The following GARS1 variants were observed in gnomAD, a reference collection of about 807,000 sequenced individuals.
The protein encoded by GARS1 is glycyl-tRNA synthetase 1.
Under a neutral mutation model 86.4 loss-of-function variants are expected in GARS1, and 46 were observed. That is an observed-to-expected ratio of 0.53 (90% confidence interval 0.42 to 0.68). The LOEUF is 0.68. GARS1 is among the 30% of genes least tolerant of loss of function. GARS1 has a pLI of 0.00. For missense variants in GARS1, 797 were observed against 915.6 expected (o/e 0.87, Z 1.67); for synonymous variants, 342 against 329.8 (o/e 1.04, Z -0.40).
intron 12 of GARS1, among the ~76,000 whole-genome samples, chr7:30,623,012 A>T (rs1467442921): frequency 6.6e-6 from 1 of 151,782 alleles, no homozygotes; most frequent in Non-Finnish European, 1.5e-5. Flanking sequence ...GAGGCAGGAG[A>T]ATGGCGTGAA....
chr7:30,599,067 CT>C (rs1289494963), intron 2 of GARS1, among the ~76,000 whole-genome samples, 170 bp downstream of exon 2: 3 of 152,124 alleles, frequency 2.0e-5, no homozygotes, highest in Non-Finnish European at 2.9e-5. Context: ...ACTCCTCATC[CT>C]TTCAAAATGC....
intron 11 of GARS1, 163 bp from the exon 12 acceptor site, chr7:30,622,154 T>A (rs992376147): frequency 1.7e-5 from 13 of 748,708 alleles, no homozygotes; most frequent in Middle Eastern, 7.3e-4. Context: ...CTGAATGATT[T>A]TGTGGACAGG....
intron 8 of GARS1, among the ~76,000 whole-genome samples, chr7:30,612,881 T>G (rs1273628115): frequency 6.6e-6 from 1 of 152,254 alleles, no homozygotes; most frequent in Non-Finnish European, 1.5e-5. Context: ...TATATTTCTT[T>G]AGAAATTTAT....
At position 30,598,630 on chromosome 7, in the gene GARS1, G is replaced by A. The variant is rs2240501; in HGVS notation, c.223-166G>A. Among the ~76,000 whole-genome samples, 1,796 of 152,204 alleles carry A rather than the reference G, an allele frequency of 0.012. 41 individuals carry two copies. The highest frequency in any genetic ancestry group is 0.08 in the East Asian group (416 of 5,172). ...TCTGAAACTCCTGATCTCAGATGGT[G>A]AGGAGGGCCTTTCAAAGTGCTGGTA... On this transcript the variant is annotated intron_variant, in intron 1 of 16. Coordinates refer to ENST00000389266, the MANE Select transcript of GARS1 (RefSeq NM_002047.4).
chr7:30,601,278 A>T lies in GARS1; in HGVS notation c.569+78A>T. 5 of 1,266,952 alleles carry T rather than the reference A, an allele frequency of 3.9e-6. No homozygotes were observed. The South Asian group carries it at 6.0e-5, about 15-fold the overall frequency. 78.5% of individuals were successfully genotyped at this position (1,266,952 alleles called of 1,614,324 possible). A position where few individuals can be genotyped will look rare whatever the true frequency, so the allele number is the denominator to read the frequency against. ...TAAATTATTTAATATACTTATCTAA[A>T]TAACTTCCTGATTATAAAGAACTAC... On this transcript the variant is annotated intron_variant, in intron 4 of 16. Coordinates refer to ENST00000389266, the MANE Select transcript of GARS1 (RefSeq NM_002047.4).
At position 30,633,967 on chromosome 7, in the gene GARS1, C is replaced by T. The variant is rs554299783; in HGVS notation, c.*107C>T. 15 of 1,356,236 alleles carry T rather than the reference C, an allele frequency of 1.1e-5. No individual in the cohort carries two copies. Among genetic ancestry groups the T allele is most frequent in the South Asian group, 2.6e-5 (2 of 75,624 alleles). The allele number at this position is 1,356,236 out of a possible 1,614,324, so 84.0% of individuals were successfully genotyped here. On this transcript the variant is annotated 3_prime_UTR_variant, in exon 17 of 17. Transcript: ENST00000389266. Reference sequence around the variant, plus strand: ...CAGCATTGTGATTACTCCCAGGGACCGTATTTTATCTTCAGTGGCTGCCTG... The same window carrying T: ...CAGCATTGTGATTACTCCCAGGGACTGTATTTTATCTTCAGTGGCTGCCTG...
At chr7:30,601,728 T>G (rs1791380550) in intron 4 of GARS1, among the ~76,000 whole-genome samples, 1 of 152,230 alleles carries the variant, frequency 6.6e-6, no homozygotes, top group Non-Finnish European at 1.5e-5. Context: ...AAAGTTTCAA[T>G]GCAGAAACTT....
chr7:30,598,069 T>G (rs1202812507), intron 1 of GARS1, among the ~76,000 whole-genome samples: 2 of 152,194 alleles, frequency 1.3e-5, no homozygotes, highest in Non-Finnish European at 2.9e-5. Flanking sequence ...AGAAGAATGG[T>G]CAGAGAAGTG....
intron 11 of GARS1, 23 bp from the exon 12 acceptor site, chr7:30,622,294 T>C (rs1783028213): frequency 4.3e-6 from 7 of 1,613,946 alleles, no homozygotes; most frequent in Non-Finnish European, 5.9e-6. Flanking sequence ...GCTGTAGTTT[T>C]GGATTCCTTG....
chr7:30,601,760 T>C (rs570692452), intron 4 of GARS1, among the ~76,000 whole-genome samples: 23 of 152,322 alleles, frequency 1.5e-4, no homozygotes, highest in East Asian at 9.6e-4. Context: ...ACCAACGTTA[T>C]TGAAAGTAGG....
intron 6 of GARS1, among the ~76,000 whole-genome samples, chr7:30,604,920 G>A (rs760606842): frequency 6.6e-6 from 1 of 152,220 alleles, no homozygotes; most frequent in Admixed American, 6.5e-5. Flanking sequence ...CGTTGTCAGA[G>A]TTGGGAAGTA....
chr7:30,601,930 C>G (rs1325683263), intron 4 of GARS1, among the ~76,000 whole-genome samples: 26 of 151,698 alleles, frequency 1.7e-4, no homozygotes, highest in Non-Finnish European at 2.9e-5. Flanking sequence ...AGGCACCCAC[C>G]ACCACGTCTG....
At chr7:30,605,581 G>A (rs189215455) in intron 6 of GARS1, among the ~76,000 whole-genome samples, 2 of 152,148 alleles carry the variant, frequency 1.3e-5, no homozygotes, top group East Asian at 1.9e-4. Flanking sequence ...GGAGGGGCAC[G>A]AACATGGCTC....
In GARS1 at chr7:30,601,042, C is replaced by G. The variant is rs370452042; in HGVS notation, c.428-17C>G. On this transcript the variant is annotated splice_polypyrimidine_tract_variant and intron_variant, in intron 3 of 16. Transcript: ENST00000389266. Reference sequence around the variant, plus strand: ...AGTAACAAGGTAAAGTATGTGTTTTCCTCTCATATTCTATAGGTGTTAGTG... The same window carrying G: ...AGTAACAAGGTAAAGTATGTGTTTTGCTCTCATATTCTATAGGTGTTAGTG... 1 of 1,612,952 alleles carries G rather than the reference C, an allele frequency of 6.2e-7. No individual in the cohort carries two copies. The highest frequency in any genetic ancestry group is 8.5e-7 in the Non-Finnish European group (1 of 1,179,126).
At chr7:30,622,927 C>T (rs905963309) in intron 12 of GARS1, among the ~76,000 whole-genome samples, 4 of 151,734 alleles carry the variant, frequency 2.6e-5, no homozygotes, top group African/African-American at 7.3e-5. Flanking sequence ...AGTGAAACCC[C>T]GTCTCTACTA....
chr7:30,633,891 G>A lies in GARS1; in HGVS notation c.*31G>A, dbSNP rs1562784919. 1.5e-5 allele frequency: 22 copies of A among 1,479,510 alleles called. No individual in the cohort carries two copies. The highest frequency in any genetic ancestry group is 3.3e-5 in the African/African-American group (2 of 60,074). 91.6% of individuals were successfully genotyped at this position (1,479,510 alleles called of 1,614,324 possible). On this transcript the variant is annotated 3_prime_UTR_variant, in exon 17 of 17. Coordinates refer to ENST00000389266, the MANE Select transcript of GARS1 (RefSeq NM_002047.4). The stretch of plus-strand genomic sequence containing the variant: ...ATTTTGACAACTTTTGACCACTTGC[G>A]CTAATAAAAAAAAAAAAAAACTACT...
intron 8 of GARS1, among the ~76,000 whole-genome samples, chr7:30,613,369 C>T (rs766664960): frequency 6.6e-6 from 1 of 152,184 alleles, no homozygotes; most frequent in Non-Finnish European, 1.5e-5. Flanking sequence ...ACAAATTTGT[C>T]AGATTTGAGT....
At chr7:30,627,275 ATCACACTCTGGGGCTTTTCCG>A (rs1397848064) in intron 13 of GARS1, 4 of 242,532 alleles carry the variant, frequency 1.6e-5, no homozygotes, top group Non-Finnish European at 3.3e-5. Context: ...GGGCTTCTCC[ATCACACTCTGGGGCTTTTCCG>A]TCACAGTCTG....
In GARS1 at chr7:30,628,560, T is replaced by C. The variant is rs1339165426; in HGVS notation, c.1700T>C (p.Val567Ala). The C allele has an allele frequency of 1.3e-6, 2 of 1,599,398 alleles. No individual in the cohort carries two copies. The highest frequency in any genetic ancestry group is 3.3e-5 in the Admixed American group (2 of 59,972). Residue 567 changes from valine (V) to alanine (A), a missense_variant and splice_region_variant, in exon 14 of 17, where the codon GTG becomes GCG. By Grantham distance (64) the Val-to-Ala change is moderately conservative. Transcript: ENST00000389266. Reference protein sequence around the residue: ...NVKRFQKTLYVEEVVPNVIEP... With the variant: ...NVKRFQKTLYAEEVVPNVIEP... ...TATTGAATTTCTATCTCTTTTTCAG[T>C]GGAAGAAGTTGTTCCGAATGTAATT...
Sources: allele counts gnomAD v4.1 joint callset (sites outside exome capture counted in the v4.1 genomes callset), GRCh38; gene constraint gnomAD v4.1.1; transcripts MANE v1.5; gene names NCBI Gene and HGNC (gene_info 2026-07-23, HGNC 2026-07-21).